SLC25A21: variants seen among roughly 807,000 people sequenced by gnomAD.
The protein encoded by SLC25A21 is mitochondrial 2-oxodicarboxylate carrier.
Under a neutral mutation model 43.8 loss-of-function variants are expected in SLC25A21, and 47 were observed. The ratio of observed to expected loss-of-function variants is 1.07; its 90% CI spans 0.85 to 1.37. SLC25A21 has a LOEUF of 1.37. Ranked by LOEUF, SLC25A21 falls within the 40% of genes most tolerant of loss-of-function variation. The pLI is 0.00. For missense variants in SLC25A21, 352 were observed against 350.2 expected (o/e 1.00, Z -0.04); for synonymous variants, 131 against 121.3 (o/e 1.08, Z -0.52).
chr14:36,978,744 T>G (rs146330008), intron 1 of SLC25A21, among the ~76,000 whole-genome samples: 420 of 152,318 alleles, frequency 2.8e-3, no homozygotes, highest in South Asian at 0.01. Flanking sequence ...CCATTTAGAC[T>G]TGGTTACTCT....
chr14:36,753,626 G>A (rs1276285237), intron 3 of SLC25A21, among the ~76,000 whole-genome samples: 2 of 152,108 alleles, frequency 1.3e-5, no homozygotes, highest in African/African-American at 4.8e-5. Context: ...CTCCCTAAAG[G>A]GAAGTTAATG....
rs1360498590 is a variant in SLC25A21 at position 36,683,993 on chromosome 14, C to T, written c.786-113G>A. 20 of 673,048 alleles carry T rather than the reference C, an allele frequency of 3.0e-5. No individual in the cohort carries two copies. In the South Asian group the frequency reaches 3.8e-4, roughly 13 times the overall value. The allele number at this position is 673,048 out of a possible 1,614,324, so 41.7% of individuals were successfully genotyped here. A position where few individuals can be genotyped will look rare whatever the true frequency, so the allele number is the denominator to read the frequency against. ...TAAAAAAATAAATTATTTGGAATTA[C>T]ACACATCTCAAAGCAGACAGCATCT... On this transcript the variant is annotated intron_variant, in intron 8 of 9. Coordinates refer to ENST00000331299, the MANE Select transcript of SLC25A21 (RefSeq NM_030631.4).
At chr14:36,881,209 A>G (rs1259016349) in intron 1 of SLC25A21, among the ~76,000 whole-genome samples, 3 of 152,234 alleles carry the variant, frequency 2.0e-5, no homozygotes, top group African/African-American at 4.8e-5. Context: ...AACTAACGAC[A>G]GAAAACACAG....
chr14:36,796,512 G>C (rs1887679315), intron 3 of SLC25A21, among the ~76,000 whole-genome samples: 1 of 151,304 alleles, frequency 6.6e-6, no homozygotes, highest in Non-Finnish European at 1.5e-5. Context: ...TTCCATCTAG[G>C]ACTCAGGCGC....
rs551072032 is a variant in SLC25A21, at chr14:37,011,072, A to G, written c.71-136068T>C. 2.0e-5 allele frequency among the ~76,000 whole-genome samples: 3 copies of G among 152,294 alleles called. No individual in the cohort carries two copies. In the South Asian group the frequency reaches 6.2e-4, roughly 32 times the overall value. On this transcript the variant is annotated intron_variant, in intron 1 of 9. Transcript: ENST00000331299. ...CAGCTAATTTTTGTATTTTTAGTAG[A>G]GATGGGGTTTCACCTTGTTGGCCAG...
intron 1 of SLC25A21, among the ~76,000 whole-genome samples, chr14:37,166,840 T>C (rs897102192): frequency 1.3e-5 from 2 of 152,208 alleles, no homozygotes; most frequent in African/African-American, 4.8e-5. Flanking sequence ...AAACAATTAG[T>C]GAGAGGAAAT....
chr14:36,731,671 C>T (rs1431620616), intron 4 of SLC25A21, among the ~76,000 whole-genome samples: 1 of 152,186 alleles, frequency 6.6e-6, no homozygotes, highest in African/African-American at 2.4e-5. Context: ...CTGCTGAGCA[C>T]TGTTCCCTCA....
At chr14:36,828,666 T>G (rs1241212922) in intron 2 of SLC25A21, 1 of 152,234 alleles carries the variant, frequency 6.6e-6, no homozygotes, top group Non-Finnish European at 1.5e-5. Flanking sequence ...GGGTGTGCCT[T>G]AACTGATACA....
chr14:37,130,758 G>C (rs1963378697), intron 1 of SLC25A21, among the ~76,000 whole-genome samples: 3 of 152,222 alleles, frequency 2.0e-5, no homozygotes, highest in African/African-American at 7.2e-5. Flanking sequence ...AAATTAAGTA[G>C]TTTATGGAGC....
intron 1 of SLC25A21, among the ~76,000 whole-genome samples, chr14:36,949,942 A>G (rs1258028049): frequency 1.3e-5 from 2 of 152,202 alleles, no homozygotes; most frequent in African/African-American, 2.4e-5. Context: ...ACTCTGGGTT[A>G]AATACAATTA....
chr14:36,802,836 G>A (rs1342949826), intron 3 of SLC25A21, among the ~76,000 whole-genome samples: 1 of 152,220 alleles, frequency 6.6e-6, no homozygotes, highest in Non-Finnish European at 1.5e-5. Context: ...AGTTATAATT[G>A]TGCCAGAAGG....
chr14:36,699,231 C>G (rs771828716), intron 7 of SLC25A21, among the ~76,000 whole-genome samples: 24 of 151,912 alleles, frequency 1.6e-4, no homozygotes, highest in Non-Finnish European at 2.6e-4. Flanking sequence ...CACTCCAGAC[C>G]CTGTTTGCCT....
intron 1 of SLC25A21, among the ~76,000 whole-genome samples, chr14:36,928,433 T>C: frequency 9.3e-6 from 1 of 107,280 alleles, no homozygotes; most frequent in East Asian, 1.9e-4. Flanking sequence ...CTAAGTAGAG[T>C]GATTTTTTTT....
intron 1 of SLC25A21, among the ~76,000 whole-genome samples, chr14:36,933,474 G>C (rs1892344716): frequency 6.8e-6 from 1 of 147,096 alleles, no homozygotes; most frequent in East Asian, 1.9e-4. Flanking sequence ...GAGGTCAACT[G>C]TGATGAAATT....
chr14:37,146,481 A>G (rs1207552247), intron 1 of SLC25A21, among the ~76,000 whole-genome samples: 2 of 152,158 alleles, frequency 1.3e-5, no homozygotes, highest in Non-Finnish European at 1.5e-5. Context: ...TCCTGACCTC[A>G]AGAGATCCGC....
chr14:36,837,092 G>C (rs896391392), intron 2 of SLC25A21, among the ~76,000 whole-genome samples: 1 of 152,110 alleles, frequency 6.6e-6, no homozygotes, highest in African/African-American at 2.4e-5. Context: ...TAGACAGGAA[G>C]GCATGCCACC....
At chr14:37,136,725 G>A (rs77496626) in intron 1 of SLC25A21, among the ~76,000 whole-genome samples, 2 of 39,508 alleles carry the variant, frequency 5.1e-5, no homozygotes, top group Non-Finnish European at 2.6e-4. Context: ...TTCAGCAATT[G>A]AAAAAAAATG....
chr14:36,854,736 C>T (rs1462972866), intron 2 of SLC25A21, among the ~76,000 whole-genome samples: 1 of 152,056 alleles, frequency 6.6e-6, no homozygotes, highest in African/African-American at 2.4e-5. Flanking sequence ...ATTGCGGATT[C>T]TGGAAAAGAC....
chr14:37,131,196 C>G (rs973733537), intron 1 of SLC25A21, among the ~76,000 whole-genome samples: 1 of 152,186 alleles, frequency 6.6e-6, no homozygotes, highest in Non-Finnish European at 1.5e-5. Context: ...AAATGCCGGA[C>G]TCCCTAACTG....
Sources: allele counts gnomAD v4.1 joint callset (sites outside exome capture counted in the v4.1 genomes callset), GRCh38; gene constraint gnomAD v4.1.1; transcripts MANE v1.5; gene names NCBI Gene and HGNC (gene_info 2026-07-23, HGNC 2026-07-21).